NACC2: variants seen among roughly 807,000 people sequenced by gnomAD.
NACC2 encodes NACC family member 2, also known as nucleus accumbens-associated protein 2.
A neutral mutation model predicts 25.1 loss-of-function variants in NACC2; 8 were observed. That is an observed-to-expected ratio of 0.32 (90% CI 0.19 to 0.57). The LOEUF (loss-of-function observed/expected upper bound fraction) is 0.57, where lower values mean the gene tolerates loss of function less well. NACC2 is among the 20% of genes least tolerant of loss of function. The pLI is 0.89. For synonymous variants in NACC2, 435 were observed against 294.7 expected (o/e 1.48, Z -4.88); for missense variants, 644 against 650.2 (o/e 0.99, Z 0.10).
intron 1 of NACC2, among the ~76,000 whole-genome samples, chr9:136,081,915 ACCTGCAGCAGCAC>A (rs1196242137): frequency 6.0e-5 from 8 of 133,402 alleles, no homozygotes; most frequent in African/African-American, 2.1e-4. Flanking sequence ...AGTCCAGCCC[ACCTGCAGCAGCAC>A]CCCGAAACCC....
rs1840794760 is a variant in NACC2 at position 136,050,034 on chromosome 9, G to C, written c.488C>G (p.Pro163Arg). 1 of 708,020 alleles carries C rather than the reference G, an allele frequency of 1.4e-6. No homozygotes were observed. Among genetic ancestry groups the C allele is most frequent in the South Asian group, 1.5e-5 (1 of 65,246 alleles). 43.9% of individuals were successfully genotyped at this position (708,020 alleles called of 1,614,324 possible). ...GGTCAGCAGCGGGATGGGCACCGAG[G>C]GGGACACGACGTAGGGGGCCGCGGC... The part of the protein sequence containing the change: ...AAAAAPYVVS[P>R]SVPIPLLTRV... The change falls in exon 2 of 6, where the codon CCC becomes CGC. Residue 163 changes from proline to arginine, a missense_variant. Transcript: ENST00000277554.
Position 136,007,558 on chromosome 9 carries a change from C to CGCACATACAT in NACC2, c.*3957_*3958insATGTATGTGC, listed in dbSNP as rs1332726290. 1.4e-5 allele frequency: 1 copy of CGCACATACAT among 69,326 alleles called. No individual in the cohort carries two copies. The highest frequency in any genetic ancestry group is 2.9e-5 in the Non-Finnish European group (1 of 33,924). The allele number at this position is 69,326 out of a possible 1,614,324, so 4.3% of individuals were successfully genotyped here. A position where few individuals can be genotyped will look rare whatever the true frequency, so the allele number is the denominator to read the frequency against. Reference sequence around the variant, plus strand: ...GTGCACACACAGACACGCACACACACACAGACACGCGCACACGCACACTCT... The same window carrying CGCACATACAT: ...GTGCACACACAGACACGCACACACACGCACATACATACAGACACGCGCACACGCACACTCT... On this transcript the variant is annotated 3_prime_UTR_variant, in exon 6 of 6. Coordinates refer to ENST00000277554, the MANE Select transcript of NACC2 (RefSeq NM_144653.5).
intron 3 of NACC2, among the ~76,000 whole-genome samples, chr9:136,015,025 T>C (rs534481062): frequency 1.3e-5 from 2 of 152,218 alleles, no homozygotes; most frequent in East Asian, 3.9e-4. Context: ...TCCAGGAGCC[T>C]GTGAGTGCCC....
rs1182191947 is a variant in NACC2, at chr9:136,009,245, G to A, written c.*2271C>T. 3.3e-5 allele frequency: 5 copies of A among 152,350 alleles called. No individual in the cohort carries two copies. The highest frequency in any genetic ancestry group is 7.2e-5 in the African/African-American group (3 of 41,480). 9.4% of individuals were successfully genotyped at this position (152,350 alleles called of 1,614,324 possible). On this transcript the variant is annotated 3_prime_UTR_variant, in exon 6 of 6. Transcript: ENST00000277554. ...CACCTACCTGCCCCTGCTCCACCCC[G>A]CGGCTTCCTCCCATCTCCGAGGAAG...
rs1050234060 is a variant in NACC2, at chr9:136,020,341, C to T, written c.887-3912G>A. Among the ~76,000 whole-genome samples, 5 of 152,198 alleles carry T rather than the reference C, an allele frequency of 3.3e-5. No individual in the cohort carries two copies. The highest frequency in any genetic ancestry group is 1.5e-5 in the Non-Finnish European group (1 of 68,042). ...TCACCAGGCAAAACACCCCGAGATCCCTGCCCACGGGCCAACACCACGGCA... is the reference window on the plus strand; with the variant it reads ...TCACCAGGCAAAACACCCCGAGATCTCTGCCCACGGGCCAACACCACGGCA... On this transcript the variant is annotated intron_variant, in intron 2 of 5. Coordinates refer to ENST00000277554, the MANE Select transcript of NACC2 (RefSeq NM_144653.5). This position sits in a 1 kb window ranked among gnomAD's most constrained non-coding sequence, Gnocchi z 4.7.
chr9:136,075,246 C>A (rs1830248604), intron 1 of NACC2, among the ~76,000 whole-genome samples: 1 of 152,230 alleles, frequency 6.6e-6, no homozygotes, highest in Non-Finnish European at 1.5e-5. Context: ...GGCCAGGACT[C>A]CAGGACACAT....
intron 1 of NACC2, among the ~76,000 whole-genome samples, chr9:136,062,793 T>A (rs1231491652): frequency 6.6e-6 from 1 of 152,174 alleles, no homozygotes; most frequent in Admixed American, 6.5e-5. Context: ...GGTGTGTGAC[T>A]GTAGTCCCAG....
intron 2 of NACC2, among the ~76,000 whole-genome samples, chr9:136,024,463 G>A (rs1296339163): frequency 6.9e-6 from 1 of 144,204 alleles, no homozygotes; most frequent in African/African-American, 2.6e-5. Flanking sequence ...TATGTGTGAG[G>A]ACAGAGGGTG....
intron 1 of NACC2, among the ~76,000 whole-genome samples, chr9:136,078,864 C>T (rs759991882): frequency 1.8e-4 from 27 of 152,214 alleles, no homozygotes; most frequent in Non-Finnish European, 7.3e-5. Context: ...GCCCCTTGTC[C>T]AGGCGACCTT....
At chr9:136,060,537 G>A (rs184047300) in intron 1 of NACC2, among the ~76,000 whole-genome samples, 12 of 152,344 alleles carry the variant, frequency 7.9e-5, no homozygotes, top group Admixed American at 5.9e-4. Context: ...GCTCCACACT[G>A]GGGCCGGGTG....
At chr9:136,077,223 T>C (rs2131182724) in intron 1 of NACC2, among the ~76,000 whole-genome samples, 1 of 151,744 alleles carries the variant, frequency 6.6e-6, no homozygotes, top group Admixed American at 6.6e-5. Flanking sequence ...CCCAGCCACT[T>C]GGGAGGCTGA....
rs1190453630 is a variant in NACC2, at chr9:136,024,435, GTGTGTGAGGACAGAGGGTA to G, written c.887-8025_887-8007del. On this transcript the variant is annotated intron_variant, in intron 2 of 5. Coordinates refer to ENST00000277554, the MANE Select transcript of NACC2 (RefSeq NM_144653.5). ...GTGTGTGTGTGAGGACAGAGTGTGT[GTGTGTGAGGACAGAGGGTA>G]TGTGTGAGGACAGAGGGTGCGTGTG... Among the ~76,000 whole-genome samples, 3 of 149,484 alleles carry G rather than the reference GTGTGTGAGGACAGAGGGTA, an allele frequency of 2.0e-5. No individual in the cohort carries two copies. In the East Asian group the frequency reaches 6.0e-4, roughly 30 times the overall value.
intron 1 of NACC2, among the ~76,000 whole-genome samples, chr9:136,091,951 C>A (rs1830437567): frequency 6.6e-6 from 1 of 152,318 alleles, no homozygotes; most frequent in African/African-American, 2.4e-5. Flanking sequence ...ACCTCGCTCC[C>A]CGGCCCCCAC....
chr9:136,071,596 G>A (rs1841153474), intron 1 of NACC2, among the ~76,000 whole-genome samples: 1 of 148,624 alleles, frequency 6.7e-6, no homozygotes, highest in African/African-American at 2.5e-5. Flanking sequence ...AAATATAGAT[G>A]AGCTCATTCT....
At chr9:136,050,668 G>A (rs1840816239) in intron 1 of NACC2, 88 bp from the exon 2 acceptor site, 4 of 647,414 alleles carry the variant, frequency 6.2e-6, no homozygotes, top group East Asian at 2.7e-5. Context: ...CTCCCCCGCC[G>A]GGGGCTTACA....
rs1840813190 is a variant in NACC2 at position 136,050,550 on chromosome 9, C to G, written c.-29G>C. The G allele has an allele frequency of 1.3e-6, 1 of 748,232 alleles. No homozygotes were observed. The highest frequency in any genetic ancestry group is 2.4e-6 in the Non-Finnish European group (1 of 411,120). 46.3% of individuals were successfully genotyped at this position (748,232 alleles called of 1,614,324 possible). A position where few individuals can be genotyped will look rare whatever the true frequency, so the allele number is the denominator to read the frequency against. On this transcript the variant is annotated 5_prime_UTR_variant, in exon 2 of 6. Coordinates refer to ENST00000277554, the MANE Select transcript of NACC2 (RefSeq NM_144653.5). ...GGGCGGGCAGCGGCGGGGCTGGGCT[C>G]TCAGCGCGGGGCGGCCCTAGCGGGG...
At chr9:136,027,182 G>A (rs534822703) in intron 2 of NACC2, among the ~76,000 whole-genome samples, 35 of 152,262 alleles carry the variant, frequency 2.3e-4, no homozygotes, top group African/African-American at 7.5e-4. Context: ...CCGAGATAGC[G>A]CCACTGCCCT....
At chr9:136,080,804 A>G (rs1397941992) in intron 1 of NACC2, among the ~76,000 whole-genome samples, 1 of 152,116 alleles carries the variant, frequency 6.6e-6, no homozygotes, top group Non-Finnish European at 1.5e-5. Context: ...GGATGCAGGG[A>G]GAGCAGACGG....
chr9:136,032,981 G>T (rs1840495525), intron 2 of NACC2, among the ~76,000 whole-genome samples: 1 of 151,870 alleles, frequency 6.6e-6, no homozygotes, highest in African/African-American at 2.4e-5. Flanking sequence ...TCACACCACT[G>T]AACTCCAGCC....
Sources: gnomAD v4.1 joint callset for allele counts (sites outside exome capture counted in the v4.1 genomes callset) on GRCh38, gnomAD v4.1.1 for gene constraint, Gnocchi (gnomAD v3.1) non-coding constraint, MANE v1.5 for transcripts, NCBI Gene and HGNC (gene_info 2026-07-23, HGNC 2026-07-21) for gene names.